Variants in MAP7 observed in about 807,000 individuals in gnomAD.
The protein encoded by MAP7 is microtubule associated protein 7.
A neutral mutation model predicts 94.8 loss-of-function variants in MAP7; 52 were observed. The observed-to-expected ratio is 0.55, with a 90% CI of 0.44 to 0.69. The LOEUF (loss-of-function observed/expected upper bound fraction) is 0.69, where lower values mean the gene tolerates loss of function less well. Among genes scored for constraint, MAP7 ranks in the 30% least tolerant of loss-of-function variants. The pLI, the probability that MAP7 is intolerant of heterozygous loss-of-function variation, is 0.00. For synonymous variants in MAP7, 350 were observed against 357.0 expected, an observed-to-expected ratio of 0.98 and a Z score of 0.22; for missense variants, 940 against 964.6, an observed-to-expected ratio of 0.97 and a Z score of 0.34.
intron 1 of MAP7, among the ~76,000 whole-genome samples, chr6:136,546,157 C>T (rs573382187): frequency 2.6e-5 from 4 of 152,046 alleles, no homozygotes; most frequent in East Asian, 1.9e-4. Flanking sequence ...GAACTATAAG[C>T]GTGCGCCACC....
At chr6:136,496,294 T>A (rs1348258063) in intron 1 of MAP7, among the ~76,000 whole-genome samples, 2 of 152,212 alleles carry the variant, frequency 1.3e-5, no homozygotes, top group African/African-American at 4.8e-5. Flanking sequence ...GCCTTAGTTG[T>A]CACAAAAGGA....
At position 136,550,010 on chromosome 6, in the gene MAP7, C is replaced by T. The variant is rs971996058; in HGVS notation, c.67+332G>A. Among the ~76,000 whole-genome samples the T allele has an allele frequency of 2.0e-5, 3 of 152,144 alleles. No homozygotes were observed. The highest frequency in any genetic ancestry group is 4.4e-5 in the Non-Finnish European group (3 of 68,004). The stretch of plus-strand genomic sequence containing the variant: ...CGATTTCCCATTCAACTGAATTAGA[C>T]CCGAGGCCGCGGCGGGGAGGGCAGC... On this transcript the variant is annotated intron_variant, in intron 1 of 17. Transcript: ENST00000354570. This position sits in a 1 kb window ranked among gnomAD's most constrained non-coding sequence, Gnocchi z 5.1.
At chr6:136,462,834 T>C (rs893173225) in intron 1 of MAP7, among the ~76,000 whole-genome samples, 4 of 151,596 alleles carry the variant, frequency 2.6e-5, no homozygotes, top group Admixed American at 2.6e-4. Context: ...TGGTGGTGCA[T>C]GCCTGTAGTC....
At chr6:136,431,141 C>T (rs1183744054) in intron 1 of MAP7, among the ~76,000 whole-genome samples, 1 of 152,250 alleles carries the variant, frequency 6.6e-6, no homozygotes, top group Non-Finnish European at 1.5e-5. Context: ...TAGTCCAACT[C>T]AAGTCCCTTT....
intron 3 of MAP7, among the ~76,000 whole-genome samples, chr6:136,409,532 T>C (rs538671892): frequency 7.9e-5 from 12 of 152,360 alleles, no homozygotes; most frequent in Non-Finnish European, 1.6e-4. Flanking sequence ...GAAAAGCATG[T>C]TGGGTCTCTC....
chr6:136,481,686 A>G (rs1393902506), intron 1 of MAP7, among the ~76,000 whole-genome samples: 4 of 152,154 alleles, frequency 2.6e-5, no homozygotes, highest in African/African-American at 9.7e-5. Context: ...CTAGAATAAG[A>G]TCTCATATTT....
At chr6:136,496,529 T>C (rs927044446) in intron 1 of MAP7, among the ~76,000 whole-genome samples, 2 of 152,056 alleles carry the variant, frequency 1.3e-5, no homozygotes, top group Non-Finnish European at 2.9e-5. Context: ...ATTATACATA[T>C]ATACTTACCA....
At chr6:136,388,344 G>C in intron 5 of MAP7, 49 bp downstream of exon 5, 1 of 1,381,948 alleles carries the variant, frequency 7.2e-7, no homozygotes, top group South Asian at 1.2e-5. Flanking sequence ...GAAACACCCT[G>C]TTACTTTCAG....
chr6:136,505,241 TTTCC>T (rs1562470426), intron 1 of MAP7, among the ~76,000 whole-genome samples: 1 of 139,538 alleles, frequency 7.2e-6, no homozygotes, highest in Non-Finnish European at 1.5e-5. Context: ...GTATATTACA[TTTCC>T]ATGTAATGTG....
chr6:136,410,379 T>C (rs1241990968), intron 3 of MAP7, among the ~76,000 whole-genome samples: 1 of 152,232 alleles, frequency 6.6e-6, no homozygotes, highest in Non-Finnish European at 1.5e-5. Flanking sequence ...CAGCTCTGCC[T>C]TCATCCTCTC....
chr6:136,368,653 A>G (rs1487589672), intron 8 of MAP7, among the ~76,000 whole-genome samples: 1 of 152,232 alleles, frequency 6.6e-6, no homozygotes, highest in Non-Finnish European at 1.5e-5. Flanking sequence ...TCTATTTCCT[A>G]TAGCATCCAA....
intron 10 of MAP7, 50 bp downstream of exon 10, chr6:136,365,685 T>G (rs750551829): frequency 1.5e-5 from 24 of 1,580,878 alleles, no homozygotes; most frequent in Admixed American, 5.5e-5. Context: ...ATCAAAACAG[T>G]GCGGGAGAAA....
chr6:136,538,415 G>A (rs77926398), intron 1 of MAP7, among the ~76,000 whole-genome samples: 3,172 of 152,234 alleles, frequency 0.021, 111 homozygotes, highest in East Asian at 0.14. Flanking sequence ...AAGTCACAAC[G>A]GGTGTTAGGA....
chr6:136,449,668 C>A (rs1436949858), intron 1 of MAP7, among the ~76,000 whole-genome samples: 1 of 152,106 alleles, frequency 6.6e-6, no homozygotes, highest in Admixed American at 6.6e-5. Flanking sequence ...TACCAGGAGA[C>A]CTTTAGGAAA....
chr6:136,440,720 G>A (rs1797593524), intron 1 of MAP7, among the ~76,000 whole-genome samples: 1 of 151,836 alleles, frequency 6.6e-6, no homozygotes, highest in African/African-American at 2.4e-5. Flanking sequence ...TAAGAATTAT[G>A]ACAGTGAGCA....
In MAP7 at chr6:136,372,490, C is replaced by A. The variant is rs748695167; in HGVS notation, c.876+11G>T. On this transcript the variant is annotated intron_variant, in intron 8 of 17. Coordinates refer to ENST00000354570, the MANE Select transcript of MAP7 (RefSeq NM_003980.6). ...CCCAGACTTGCCCAGCTGCTCCCAA[C>A]AGCTACTCACCGCTGTGCCATGAAT... 6.2e-7 allele frequency: 1 copy of A among 1,613,776 alleles called. No homozygotes were observed. Among genetic ancestry groups the A allele is most frequent in the Non-Finnish European group, 8.5e-7 (1 of 1,179,948 alleles).
chr6:136,531,066 A>T (rs1356284008), intron 1 of MAP7, among the ~76,000 whole-genome samples: 1 of 145,158 alleles, frequency 6.9e-6, no homozygotes, highest in East Asian at 2.0e-4. Flanking sequence ...ATGCCACATT[A>T]AACCTTAACC....
chr6:136,364,954 G>T (rs184911610), intron 10 of MAP7: 1 of 152,270 alleles, frequency 6.6e-6, no homozygotes, highest in East Asian at 1.9e-4. Context: ...GTTTGTTGTT[G>T]TTTCATGCTG....
chr6:136,526,650 C>T lies in MAP7; in HGVS notation c.67+23692G>A, dbSNP rs928946452. ...AGCTCCCTCTTCCTCTCAGCGGCAGCGCAGCAGGATGGGAGGAGAAAGAGT... is the reference window on the plus strand; with the variant it reads ...AGCTCCCTCTTCCTCTCAGCGGCAGTGCAGCAGGATGGGAGGAGAAAGAGT... On this transcript the variant is annotated intron_variant, in intron 1 of 17. Coordinates refer to ENST00000354570, the MANE Select transcript of MAP7 (RefSeq NM_003980.6). 16 of 985,370 alleles carry T rather than the reference C, an allele frequency of 1.6e-5. No individual in the cohort carries two copies. In the African/African-American group the frequency reaches 2.6e-4, roughly 16 times the overall value. 61.0% of individuals were successfully genotyped at this position (985,370 alleles called of 1,614,324 possible).
Sources: gnomAD v4.1 joint callset for allele counts (sites outside exome capture counted in the v4.1 genomes callset) on GRCh38, gnomAD v4.1.1 for gene constraint, Gnocchi (gnomAD v3.1) non-coding constraint, MANE v1.5 for transcripts, NCBI Gene and HGNC (gene_info 2026-07-23, HGNC 2026-07-21) for gene names.